VPS13B: variants seen among roughly 807,000 people sequenced by gnomAD.
VPS13B encodes the protein vacuolar protein sorting 13 homolog B.
A neutral mutation model predicts 426.4 loss-of-function variants in VPS13B; 285 were observed. The observed-to-expected ratio is 0.67, with a 90% CI of 0.61 to 0.74. The LOEUF (loss-of-function observed/expected upper bound fraction) is 0.74, where lower values mean the gene tolerates loss of function less well. VPS13B is among the 30% of genes least tolerant of loss of function. The pLI, the probability that VPS13B is intolerant of heterozygous loss-of-function variation, is 0.00. For missense variants in VPS13B, 4,537 were observed against 4,782.6 expected (o/e 0.95, Z 1.51); for synonymous variants, 1,676 against 1,676.4 (o/e 1.00, Z 0.01).
At chr8:99,710,547 C>G (rs1281879898) in intron 36 of VPS13B, among the ~76,000 whole-genome samples, 4 of 152,122 alleles carry the variant, frequency 2.6e-5, no homozygotes, top group Admixed American at 2.0e-4. Context: ...GCTGGCTTCT[C>G]AGAGTGAAAT....
chr8:99,069,065 T>C (rs866299089), intron 3 of VPS13B, among the ~76,000 whole-genome samples: 2 of 152,206 alleles, frequency 1.3e-5, no homozygotes, highest in African/African-American at 4.8e-5. Flanking sequence ...TTTTTCTAGA[T>C]TGTTATAGGA....
chr8:99,359,291 T>C (rs1005899492), intron 19 of VPS13B, among the ~76,000 whole-genome samples: 21 of 152,184 alleles, frequency 1.4e-4, no homozygotes, highest in Admixed American at 2.6e-4. Context: ...AGATTCTATT[T>C]TAGAGTTTTG....
Position 99,033,526 on chromosome 8 carries a change from A to AT in VPS13B, c.148-4889dup, listed in dbSNP as rs1280788160. On this transcript the variant is annotated intron_variant, in intron 2 of 61. Coordinates refer to ENST00000357162, the MANE Select transcript of VPS13B (RefSeq NM_152564.5). The stretch of plus-strand genomic sequence containing the variant: ...TTGTACTTTCAACTCCAAAATTTTC[A>AT]TTTTTTTTGTAATTTGTTTTTATTG... Among the ~76,000 whole-genome samples, 6 of 151,866 alleles carry AT rather than the reference A, an allele frequency of 4.0e-5. 1 individual carries two copies. The highest frequency in any genetic ancestry group is 1.9e-4 in the East Asian group (1 of 5,194).
intron 19 of VPS13B, among the ~76,000 whole-genome samples, chr8:99,295,979 G>T (rs1314035028): frequency 6.6e-6 from 1 of 152,076 alleles, no homozygotes; most frequent in Non-Finnish European, 1.5e-5. Context: ...GCTGCAGTGA[G>T]CTCTGTTTGC....
chr8:99,413,173 G>T (rs1281109231), intron 21 of VPS13B, among the ~76,000 whole-genome samples: 1 of 151,856 alleles, frequency 6.6e-6, no homozygotes, highest in East Asian at 1.9e-4. Context: ...ATTCGTCTTT[G>T]AATCCATAGG....
chr8:99,113,544 A>G (rs1588051388), intron 6 of VPS13B, among the ~76,000 whole-genome samples: 1 of 152,118 alleles, frequency 6.6e-6, no homozygotes, highest in South Asian at 2.1e-4. Flanking sequence ...GTTTCTCAAA[A>G]TGTTCCAGAT....
At chr8:99,430,743 TCTCA>T (rs1475370410) in intron 21 of VPS13B, among the ~76,000 whole-genome samples, 1 of 147,882 alleles carries the variant, frequency 6.8e-6, no homozygotes, top group African/African-American at 2.5e-5. Context: ...TGAGACAGTG[TCTCA>T]CTCTGTTGCC....
chr8:99,454,634 T>G (rs535323584), intron 23 of VPS13B, among the ~76,000 whole-genome samples: 1 of 152,312 alleles, frequency 6.6e-6, no homozygotes, highest in South Asian at 2.1e-4. Flanking sequence ...TGTTTTTGGC[T>G]TCTTTCGATA....
At chr8:99,669,266 A>ATT (rs34908236) in intron 35 of VPS13B, among the ~76,000 whole-genome samples, 4 of 151,546 alleles carry the variant, frequency 2.6e-5, no homozygotes, top group South Asian at 2.1e-4. Flanking sequence ...TTGAAATGCA[A>ATT]TTTTTTTTTA....
intron 39 of VPS13B, among the ~76,000 whole-genome samples, chr8:99,746,055 T>G (rs1810069994): frequency 6.6e-6 from 1 of 152,070 alleles, no homozygotes; most frequent in Admixed American, 6.6e-5. Context: ...ATCCCCCTTA[T>G]GCCGTTTACT....
intron 15 of VPS13B, among the ~76,000 whole-genome samples, chr8:99,161,311 T>G (rs1811636856): frequency 6.6e-6 from 1 of 152,208 alleles, no homozygotes; most frequent in Non-Finnish European, 1.5e-5. Flanking sequence ...ACCCAATATA[T>G]GCAAATATTG....
At chr8:99,347,434 T>C (rs556274209) in intron 19 of VPS13B, 1 of 168,242 alleles carries the variant, frequency 5.9e-6, no homozygotes, top group African/African-American at 2.4e-5. Context: ...GGATTGGCAT[T>C]GTCTCCTTAG....
At chr8:99,711,387 C>A (rs1332233767) in intron 36 of VPS13B, among the ~76,000 whole-genome samples, 1 of 152,158 alleles carries the variant, frequency 6.6e-6, no homozygotes, top group Non-Finnish European at 1.5e-5. Flanking sequence ...TTAGTACTTT[C>A]TGGCAATGGC....
chr8:99,752,452 A>G (rs1365129979), intron 39 of VPS13B, among the ~76,000 whole-genome samples: 2 of 152,198 alleles, frequency 1.3e-5, no homozygotes, highest in Non-Finnish European at 2.9e-5. Context: ...GCTCATTTAC[A>G]TATTGCTTAT....
chr8:99,249,131 A>G (rs1415499066), intron 17 of VPS13B, among the ~76,000 whole-genome samples: 2 of 149,278 alleles, frequency 1.3e-5, no homozygotes, highest in Non-Finnish European at 3.0e-5. Flanking sequence ...ATATTAAAGG[A>G]ATCATATATT....
At chr8:99,663,190 G>A (rs543982819) in intron 35 of VPS13B, among the ~76,000 whole-genome samples, 2 of 152,278 alleles carry the variant, frequency 1.3e-5, no homozygotes, top group Non-Finnish European at 2.9e-5. Context: ...GTGTTGTGGC[G>A]TGCTAGTGTA....
chr8:99,541,754 A>G (rs1823634230), intron 30 of VPS13B, among the ~76,000 whole-genome samples: 1 of 152,214 alleles, frequency 6.6e-6, no homozygotes. Flanking sequence ...TTTTATTAAG[A>G]ATGCCCTAAT....
At chr8:99,474,354 A>C (rs547363041) in intron 24 of VPS13B, among the ~76,000 whole-genome samples, 2 of 151,686 alleles carry the variant, frequency 1.3e-5, no homozygotes, top group Non-Finnish European at 2.9e-5. Context: ...ACACCTGGCT[A>C]ATTTTTGTAT....
At chr8:99,262,148 T>C (rs1818072992) in intron 17 of VPS13B, among the ~76,000 whole-genome samples, 1 of 152,210 alleles carries the variant, frequency 6.6e-6, no homozygotes, top group Admixed American at 6.5e-5. Flanking sequence ...TCCTTGTGAA[T>C]ATTTAAAGTT....
Sources: gnomAD v4.1 joint callset for allele counts (sites outside exome capture counted in the v4.1 genomes callset) on GRCh38, gnomAD v4.1.1 for gene constraint, MANE v1.5 for transcripts, NCBI Gene and HGNC (gene_info 2026-07-23, HGNC 2026-07-21) for gene names.